Variants in KCNQ3 observed in about 807,000 individuals in gnomAD.
KCNQ3 encodes the protein potassium voltage-gated channel subfamily Q member 3, also known as potassium voltage-gated channel subfamily KQT member 3.
In KCNQ3, 30 loss-of-function variants were observed where a neutral mutation model predicts 92.5. That is an observed-to-expected ratio of 0.32 (90% CI 0.24 to 0.44). The LOEUF (loss-of-function observed/expected upper bound fraction) is 0.44, where lower values mean the gene tolerates loss of function less well. KCNQ3 is among the 20% of genes least tolerant of loss of function. The probability of loss-of-function intolerance (pLI) is 1.00; values close to 1 mark genes in which losing one functional copy is unlikely to be tolerated. For synonymous variants in KCNQ3, 450 were observed against 468.8 expected, an observed-to-expected ratio of 0.96 and a Z score of 0.52; for missense variants, 913 against 1,140.3, an observed-to-expected ratio of 0.80 and a Z score of 2.87.
At chr8:132,454,878 C>A (rs960259172) in intron 1 of KCNQ3, among the ~76,000 whole-genome samples, 4 of 152,066 alleles carry the variant, frequency 2.6e-5, no homozygotes, top group African/African-American at 9.7e-5. Context: ...ACACATGATG[C>A]AATAGGGATG....
intron 1 of KCNQ3, among the ~76,000 whole-genome samples, chr8:132,250,399 T>C (rs1815366285): frequency 6.6e-6 from 1 of 152,324 alleles, no homozygotes; most frequent in African/African-American, 2.4e-5. Flanking sequence ...GCCAACCCCA[T>C]GGAATATCTT....
At chr8:132,182,481 GC>G (rs1175311302) in intron 3 of KCNQ3, among the ~76,000 whole-genome samples, 1 of 152,242 alleles carries the variant, frequency 6.6e-6, no homozygotes, top group Admixed American at 6.5e-5. Context: ...TGATGCTGAG[GC>G]CCAGCCTCAT....
At chr8:132,455,400 C>T (rs541044405) in intron 1 of KCNQ3, among the ~76,000 whole-genome samples, 1 of 152,328 alleles carries the variant, frequency 6.6e-6, no homozygotes, top group South Asian at 2.1e-4. Context: ...AGCCACTGCA[C>T]CTGGCCATTA....
chr8:132,150,368 G>A, intron 9 of KCNQ3, among the ~76,000 whole-genome samples: 1 of 152,132 alleles, frequency 6.6e-6, no homozygotes, highest in East Asian at 1.9e-4. Flanking sequence ...TTTCTGGTTT[G>A]ATATGTGAGC....
intron 1 of KCNQ3, among the ~76,000 whole-genome samples, chr8:132,201,729 C>T (rs922379346): frequency 6.6e-6 from 1 of 152,152 alleles, no homozygotes; most frequent in Non-Finnish European, 1.5e-5. Context: ...CTCAATCCAT[C>T]CAGCAGCTCT....
At chr8:132,402,156 G>A (rs1820353901) in intron 1 of KCNQ3, among the ~76,000 whole-genome samples, 1 of 152,184 alleles carries the variant, frequency 6.6e-6, no homozygotes, top group South Asian at 2.1e-4. Flanking sequence ...CAGAGAGCGT[G>A]TCCGTGTGTG....
rs539880499 is a variant in KCNQ3 at position 132,392,145 on chromosome 8, C to T, written c.386+88002G>A. On this transcript the variant is annotated intron_variant, in intron 1 of 14. Coordinates refer to ENST00000388996, the MANE Select transcript of KCNQ3 (RefSeq NM_004519.4). ...AAACATATCTGGTTACGACGTAATT[C>T]CTCTGACCTAAATTGAGTCACTTTC... Among the ~76,000 whole-genome samples, 5 of 152,280 alleles carry T rather than the reference C, an allele frequency of 3.3e-5. No individual in the cohort carries two copies. The South Asian group carries it at 1.0e-3, about 32-fold the overall frequency.
At chr8:132,136,702 C>A (rs987710004) in intron 12 of KCNQ3, among the ~76,000 whole-genome samples, 8 of 152,112 alleles carry the variant, frequency 5.3e-5, no homozygotes, top group Non-Finnish European at 1.0e-4. Flanking sequence ...GACATATAAA[C>A]ATACATATGC....
At chr8:132,349,325 C>A (rs187579625) in intron 1 of KCNQ3, among the ~76,000 whole-genome samples, 9 of 152,256 alleles carry the variant, frequency 5.9e-5, no homozygotes, top group African/African-American at 1.9e-4. Flanking sequence ...ATCTAACGAG[C>A]GACTTCCAAA....
At chr8:132,449,450 T>G (rs933694896) in intron 1 of KCNQ3, among the ~76,000 whole-genome samples, 2 of 151,976 alleles carry the variant, frequency 1.3e-5, no homozygotes, top group Non-Finnish European at 2.9e-5. Flanking sequence ...CTGCCTGCCC[T>G]CCAACCTCCC....
intron 1 of KCNQ3, among the ~76,000 whole-genome samples, chr8:132,418,674 T>C (rs574806674): frequency 3.3e-5 from 5 of 152,138 alleles, no homozygotes; most frequent in African/African-American, 1.2e-4. Context: ...TAGTCCCAGC[T>C]ACTTGGGAGG....
intron 1 of KCNQ3, among the ~76,000 whole-genome samples, chr8:132,351,574 G>A (rs192284850): frequency 6.6e-6 from 1 of 152,338 alleles, no homozygotes; most frequent in East Asian, 1.9e-4. Context: ...CACAGTGGCT[G>A]TGGGGCTGGA....
chr8:132,140,823 T>C (rs2074820424), intron 10 of KCNQ3: 1 of 412,324 alleles, frequency 2.4e-6, no homozygotes, highest in Non-Finnish European at 4.5e-6. Context: ...ATCCTTCAAG[T>C]TGACCTCCAT....
chr8:132,322,888 A>G (rs1347416706), intron 1 of KCNQ3, among the ~76,000 whole-genome samples: 1 of 152,148 alleles, frequency 6.6e-6, no homozygotes, highest in Non-Finnish European at 1.5e-5. Context: ...CTCCAAAATA[A>G]TTACATTTCC....
chr8:132,156,063 A>G (rs141832026), intron 9 of KCNQ3, among the ~76,000 whole-genome samples: 47 of 152,242 alleles, frequency 3.1e-4, no homozygotes, highest in Non-Finnish European at 5.0e-4. Context: ...TGGTACTCCA[A>G]TGACACTGAT....
chr8:132,399,122 T>G (rs761203985), intron 1 of KCNQ3, among the ~76,000 whole-genome samples: 5 of 152,202 alleles, frequency 3.3e-5, no homozygotes, highest in Non-Finnish European at 7.3e-5. Flanking sequence ...GCAGATACGA[T>G]TTACAAATTT....
chr8:132,253,650 C>T (rs939596754), intron 1 of KCNQ3, among the ~76,000 whole-genome samples: 4 of 152,310 alleles, frequency 2.6e-5, no homozygotes, highest in African/African-American at 9.6e-5. Flanking sequence ...TACATTTATT[C>T]TCTTCCCCTC....
intron 1 of KCNQ3, among the ~76,000 whole-genome samples, chr8:132,471,817 A>G (rs1332459454): frequency 1.3e-5 from 2 of 152,196 alleles, no homozygotes; most frequent in Non-Finnish European, 2.9e-5. Flanking sequence ...TGAAACAATC[A>G]ACAGAGTGAA....
chr8:132,150,625 G>A (rs1375790617), intron 9 of KCNQ3, among the ~76,000 whole-genome samples: 4 of 152,006 alleles, frequency 2.6e-5, no homozygotes, highest in African/African-American at 9.7e-5. Flanking sequence ...GCTGGGAAAA[G>A]GTTTTTTTTT....
Sources: gnomAD v4.1 joint callset for allele counts (sites outside exome capture counted in the v4.1 genomes callset) on GRCh38, gnomAD v4.1.1 for gene constraint, MANE v1.5 for transcripts, NCBI Gene and HGNC (gene_info 2026-07-23, HGNC 2026-07-21) for gene names.